COL13A1: variants seen among roughly 807,000 people sequenced by gnomAD.
The protein encoded by COL13A1 is collagen type XIII alpha 1 chain.
COL13A1 carries 89 observed loss-of-function variants against 130.9 expected under a neutral mutation model. That is an observed-to-expected ratio of 0.68 (90% CI 0.57 to 0.81). The LOEUF is 0.81. COL13A1 is among the 30% of genes least tolerant of loss of function. The pLI is 0.00. For missense variants in COL13A1, 879 were observed against 934.6 expected, an observed-to-expected ratio of 0.94 and a Z score of 0.78; for synonymous variants, 402 against 341.6, an observed-to-expected ratio of 1.18 and a Z score of -1.95.
rs932271654 is a variant in COL13A1, at chr10:69,900,159, C to T, written c.750+1397C>T. Among the ~76,000 whole-genome samples, 57 of 152,202 alleles carry T rather than the reference C, an allele frequency of 3.7e-4. 1 individual carries two copies. Among genetic ancestry groups the T allele is most frequent in the Admixed American group, 2.2e-3 (33 of 15,292 alleles). ...GCCCACCCCTGTCACCCACCCCAGG[C>T]TGTGCCGGACCCCATTCCAGGAGAG... On this transcript the variant is annotated intron_variant, in intron 14 of 40. Transcript: ENST00000645393.
At chr10:69,884,025 T>C (rs986165628) in intron 7 of COL13A1, among the ~76,000 whole-genome samples, 4 of 152,226 alleles carry the variant, frequency 2.6e-5, no homozygotes, top group Non-Finnish European at 5.9e-5. Context: ...GAACTCAAGA[T>C]GACACCACAT....
At chr10:69,922,672 C>T (rs781098122) in intron 22 of COL13A1, 36 bp from the exon 23 acceptor site, 5 of 1,541,924 alleles carry the variant, frequency 3.2e-6, no homozygotes, top group Non-Finnish European at 3.5e-6. Context: ...GACCTTCCTC[C>T]ACACCAGGGA....
chr10:69,870,526 G>T (rs2058964648), intron 3 of COL13A1, among the ~76,000 whole-genome samples: 1 of 143,732 alleles, frequency 7.0e-6, no homozygotes, highest in South Asian at 2.2e-4. Context: ...TTGCTATATT[G>T]CCCAGGCTGG....
Position 69,840,320 on chromosome 10 carries a change from G to A in COL13A1, c.364+17882G>A, listed in dbSNP as rs7899044. ...CGGCATCGAAGGAGCCCGGTGACTC[G>A]GTGACTCGGGGTCCTTTAAGTTGCG... is the stretch of plus-strand genomic sequence containing the variant. On this transcript the variant is annotated intron_variant, in intron 2 of 40. Coordinates refer to ENST00000645393, the MANE Select transcript of COL13A1 (RefSeq NM_001368882.1). 5.2e-3 allele frequency among the ~76,000 whole-genome samples: 792 copies of A among 152,262 alleles called. 7 individuals carry two copies. Among genetic ancestry groups the A allele is most frequent in the African/African-American group, 0.017 (720 of 41,536 alleles).
At chr10:69,915,259 G>A (rs1051743150) in intron 17 of COL13A1, among the ~76,000 whole-genome samples, 1 of 152,238 alleles carries the variant, frequency 6.6e-6, no homozygotes, top group African/African-American at 2.4e-5. Flanking sequence ...CATGGCAGCT[G>A]CAGTAAGTGG....
intron 1 of COL13A1, among the ~76,000 whole-genome samples, chr10:69,810,347 T>TGAGAGAGAGAGAGA (rs55816117): frequency 1.2e-4 from 14 of 119,776 alleles, no homozygotes; most frequent in South Asian, 2.7e-4. Context: ...GCCCTGAGAA[T>TGAGAGAGAGAGAGA]GAGAGAGAGA....
rs1029593072 is a variant in COL13A1, at chr10:69,958,916, G to A, written c.*215G>A. 1 of 599,722 alleles carries A rather than the reference G, an allele frequency of 1.7e-6. No individual in the cohort carries two copies. Among genetic ancestry groups the A allele is most frequent in the Admixed American group, 3.4e-5 (1 of 29,786 alleles). 37.2% of individuals were successfully genotyped at this position (599,722 alleles called of 1,614,324 possible). A position where few individuals can be genotyped will look rare whatever the true frequency, so the allele number is the denominator to read the frequency against. ...AGCCTATGTCTCTAATACATTTTTT[G>A]TTTGGTCGTAATGTCTGCATGATAT... On this transcript the variant is annotated 3_prime_UTR_variant, in exon 41 of 41. Coordinates refer to ENST00000645393, the MANE Select transcript of COL13A1 (RefSeq NM_001368882.1).
intron 2 of COL13A1, among the ~76,000 whole-genome samples, chr10:69,852,578 T>G (rs185095205): frequency 1.3e-5 from 2 of 152,368 alleles, no homozygotes; most frequent in Admixed American, 1.3e-4. Context: ...TACGTGGCCC[T>G]TGACTGCCTG....
chr10:69,930,519 G>A lies in COL13A1; in HGVS notation c.1650G>A (p.Gly550=). Residue 550 remains glycine (G), a synonymous_variant, in exon 30 of 41, where the codon GGG becomes GGA. Coordinates refer to ENST00000645393, the MANE Select transcript of COL13A1 (RefSeq NM_001368882.1). ...NGHPGSPGEK[G]EKGETGQAGS... ...ACCCAGGGAGCCCAGGAGAGAAGGG[G>A]GAAAAAGGGGAGACAGGACAAGCAG... is the stretch of plus-strand genomic sequence containing the variant. 2 of 1,613,426 alleles carry A rather than the reference G, an allele frequency of 1.2e-6. No homozygotes were observed. The highest frequency in any genetic ancestry group is 1.7e-6 in the Non-Finnish European group (2 of 1,179,642).
At chr10:69,860,077 CA>C (rs1467597394) in intron 2 of COL13A1, among the ~76,000 whole-genome samples, 2 of 152,314 alleles carry the variant, frequency 1.3e-5, no homozygotes, top group African/African-American at 2.4e-5. Context: ...AAGGCAGAGT[CA>C]GGGGGTCTGT....
chr10:69,871,946 T>A (rs891631200), intron 3 of COL13A1, among the ~76,000 whole-genome samples: 4 of 152,264 alleles, frequency 2.6e-5, no homozygotes, highest in Non-Finnish European at 4.4e-5. Context: ...TGCTAAAGGT[T>A]ACCCAAGTAG....
In COL13A1 at chr10:69,930,475, G is replaced by A. The variant is rs58566350; in HGVS notation, c.1606G>A (p.Val536Met). ...GPPGKDGPPG[V>M]KGENGHPGSP... Reference sequence around the variant, plus strand: ...CCCAGGAAAGGATGGACCTCCAGGAGTGAAGGGAGAAAACGGGCACCCAGG... The same window carrying A: ...CCCAGGAAAGGATGGACCTCCAGGAATGAAGGGAGAAAACGGGCACCCAGG... The change falls in exon 30 of 41, where the codon GTG becomes ATG. Residue 536 changes from valine to methionine, a missense_variant. Coordinates refer to ENST00000645393, the MANE Select transcript of COL13A1 (RefSeq NM_001368882.1). 6.7e-3 allele frequency: 10,786 copies of A among 1,613,882 alleles called. 406 individuals carry two copies. In the African/African-American group the frequency reaches 0.095, roughly 14 times the overall value.
intron 8 of COL13A1, 107 bp downstream of exon 8, chr10:69,887,598 C>A: frequency 8.1e-7 from 1 of 1,239,620 alleles, no homozygotes; most frequent in Non-Finnish European, 1.1e-6. Context: ...TCTCCCAAAC[C>A]CTGGTCATTA....
chr10:69,906,992 G>T (rs2062829062), intron 17 of COL13A1, among the ~76,000 whole-genome samples: 2 of 152,156 alleles, frequency 1.3e-5, no homozygotes. Flanking sequence ...GCCTCCCAAA[G>T]TGCTGGGATT....
intron 1 of COL13A1, among the ~76,000 whole-genome samples, chr10:69,816,200 G>A (rs560155860): frequency 1.3e-5 from 2 of 148,674 alleles, no homozygotes; most frequent in Admixed American, 6.8e-5. Context: ...TAGTCATGGA[G>A]GTGGTGAGAA....
intron 29 of COL13A1, 50 bp from the exon 30 acceptor site, chr10:69,930,350 C>T: frequency 6.5e-7 from 1 of 1,532,146 alleles, no homozygotes; most frequent in Non-Finnish European, 8.8e-7. Flanking sequence ...TCCCTCTCTC[C>T]TCTTTTCTCC....
At chr10:69,895,246 T>G (rs2061525333) in intron 12 of COL13A1, among the ~76,000 whole-genome samples, 1 of 152,142 alleles carries the variant, frequency 6.6e-6, no homozygotes, top group Admixed American at 6.5e-5. Context: ...AGGGTCAACC[T>G]TTCGCCAGGC....
At chr10:69,810,243 C>T (rs1842604610) in intron 1 of COL13A1, among the ~76,000 whole-genome samples, 1 of 152,174 alleles carries the variant, frequency 6.6e-6, no homozygotes, top group Admixed American at 6.5e-5. Flanking sequence ...GCCAATTGTT[C>T]CCAATACCTG....
chr10:69,921,959 G>T, intron 22 of COL13A1, 24 bp downstream of exon 22: 1 of 1,592,558 alleles, frequency 6.3e-7, no homozygotes, highest in Non-Finnish European at 8.6e-7. Flanking sequence ...TGAATGGAGG[G>T]TTCAAGTCCT....
Sources: allele counts gnomAD v4.1 joint callset (sites outside exome capture counted in the v4.1 genomes callset), GRCh38; gene constraint gnomAD v4.1.1; transcripts MANE v1.5; gene names NCBI Gene and HGNC (gene_info 2026-07-23, HGNC 2026-07-21).